SLC35F4: variants seen among roughly 807,000 people sequenced by gnomAD.
SLC35F4 encodes the protein solute carrier family 35 member F4.
A neutral mutation model predicts 44.2 loss-of-function variants in SLC35F4; 24 were observed. That is an observed-to-expected ratio of 0.54 (90% CI 0.39 to 0.76). The LOEUF is 0.76. Ranked by LOEUF, SLC35F4 falls within the 30% of genes least tolerant of loss-of-function variation. The pLI is 0.00. For missense variants in SLC35F4, 562 were observed against 586.1 expected, an observed-to-expected ratio of 0.96 and a Z score of 0.42; for synonymous variants, 238 against 223.6, an observed-to-expected ratio of 1.06 and a Z score of -0.57.
At chr14:57,889,322 C>G (rs528285067) in intron 1 of SLC35F4, among the ~76,000 whole-genome samples, 1 of 152,322 alleles carries the variant, frequency 6.6e-6, no homozygotes, top group East Asian at 1.9e-4. Flanking sequence ...GACGGGGAAG[C>G]ACGAGCCATC....
At chr14:57,686,597 T>A (rs536362676) in intron 1 of SLC35F4, among the ~76,000 whole-genome samples, 1 of 152,172 alleles carries the variant, frequency 6.6e-6, no homozygotes, top group Non-Finnish European at 1.5e-5. Context: ...AGCATGCAGT[T>A]AGAAGATTGT....
At chr14:57,663,221 T>C (rs1234540306) in intron 1 of SLC35F4, among the ~76,000 whole-genome samples, 1 of 152,216 alleles carries the variant, frequency 6.6e-6, no homozygotes, top group Non-Finnish European at 1.5e-5. Flanking sequence ...GTAGAATATA[T>C]CTTGTTAGTA....
chr14:57,658,838 A>T (rs550328131), intron 1 of SLC35F4, among the ~76,000 whole-genome samples: 6 of 152,210 alleles, frequency 3.9e-5, no homozygotes, highest in Non-Finnish European at 8.8e-5. Context: ...TGGAAAATAT[A>T]TATTTCTAGT....
chr14:57,611,614 C>G (rs1242550122), intron 1 of SLC35F4, among the ~76,000 whole-genome samples: 1 of 151,274 alleles, frequency 6.6e-6, no homozygotes, highest in Non-Finnish European at 1.5e-5. Flanking sequence ...AAAAGAGTTA[C>G]CATTTAATCA....
intron 1 of SLC35F4, among the ~76,000 whole-genome samples, chr14:57,861,585 A>G (rs559327877): frequency 6.6e-6 from 1 of 152,274 alleles, no homozygotes; most frequent in Non-Finnish European, 1.5e-5. Context: ...TCTCTCTTAT[A>G]CACATTCTAA....
intron 1 of SLC35F4, among the ~76,000 whole-genome samples, chr14:57,703,022 T>C (rs149988751): frequency 1.8e-4 from 28 of 152,082 alleles, no homozygotes; most frequent in African/African-American, 6.0e-4. Flanking sequence ...TAGATTGATT[T>C]TGCACACATA....
intron 1 of SLC35F4, among the ~76,000 whole-genome samples, chr14:57,952,535 C>A (rs769920694): frequency 3.4e-4 from 51 of 151,886 alleles, no homozygotes; most frequent in Non-Finnish European, 6.6e-4. Context: ...AGCTAAGAAC[C>A]TTGAAAAAAG....
chr14:57,612,778 G>C (rs1291428570), intron 1 of SLC35F4, among the ~76,000 whole-genome samples: 2 of 152,164 alleles, frequency 1.3e-5, no homozygotes, highest in Non-Finnish European at 2.9e-5. Context: ...AAATATTTAA[G>C]TGACTAAATG....
At chr14:57,952,287 C>T (rs542181592) in intron 1 of SLC35F4, among the ~76,000 whole-genome samples, 2 of 152,180 alleles carry the variant, frequency 1.3e-5, no homozygotes, top group Admixed American at 6.5e-5. Context: ...CTGAAGGTCA[C>T]CAGCATCAAA....
intron 1 of SLC35F4, among the ~76,000 whole-genome samples, chr14:57,696,213 A>T (rs2075379477): frequency 6.6e-6 from 1 of 152,248 alleles, no homozygotes; most frequent in Admixed American, 6.5e-5. Flanking sequence ...AGAATTTACA[A>T]GGAACTTAAA....
chr14:57,965,135 T>C (rs949562407), intron 1 of SLC35F4, among the ~76,000 whole-genome samples: 2 of 152,042 alleles, frequency 1.3e-5, no homozygotes, highest in Non-Finnish European at 2.9e-5. Flanking sequence ...TATCTCACAA[T>C]AATTCTGTAG....
chr14:57,854,438 T>C (rs573237653), intron 1 of SLC35F4, among the ~76,000 whole-genome samples: 2 of 152,336 alleles, frequency 1.3e-5, no homozygotes, highest in Admixed American at 6.5e-5. Context: ...TGTGGCTACA[T>C]ACATAGCTAA....
In SLC35F4 at chr14:57,725,537, G is replaced by A. The variant is rs560071011; in HGVS notation, c.104-131413C>T. On this transcript the variant is annotated intron_variant, in intron 1 of 7. Coordinates refer to ENST00000556826, the MANE Select transcript of SLC35F4 (RefSeq NM_001306087.2). ...CATAGACTCATGGAATGCCTTATCT[G>A]CCATTATGGTATTCCACACAGCATT... is the stretch of plus-strand genomic sequence containing the variant. Among the ~76,000 whole-genome samples the A allele has an allele frequency of 5.9e-5, 9 of 152,192 alleles. 1 individual carries two copies. The highest frequency in any genetic ancestry group is 2.1e-4 in the South Asian group (1 of 4,820).
At chr14:57,748,250 T>C (rs149409061) in intron 1 of SLC35F4, among the ~76,000 whole-genome samples, 3 of 152,268 alleles carry the variant, frequency 2.0e-5, no homozygotes, top group African/African-American at 7.2e-5. Context: ...CCCCAAATAC[T>C]GAATTCTGGG....
intron 1 of SLC35F4, among the ~76,000 whole-genome samples, chr14:57,841,679 C>T (rs766408688): frequency 1.4e-4 from 22 of 152,118 alleles, no homozygotes; most frequent in Non-Finnish European, 2.9e-5. Context: ...AAGTGCAAAT[C>T]TACAGGTGAA....
intron 1 of SLC35F4, among the ~76,000 whole-genome samples, chr14:57,761,446 A>G (rs1213182034): frequency 1.3e-5 from 2 of 152,212 alleles, no homozygotes. Flanking sequence ...AAAATACATT[A>G]TAAAAGTCTA....
intron 1 of SLC35F4, among the ~76,000 whole-genome samples, chr14:57,978,454 G>A (rs1435431613): frequency 1.3e-5 from 2 of 152,176 alleles, no homozygotes; most frequent in Admixed American, 6.5e-5. Flanking sequence ...TATTGCTTCA[G>A]ACCAAGTGAC....
At chr14:57,852,480 G>A (rs1886667754) in intron 1 of SLC35F4, among the ~76,000 whole-genome samples, 2 of 152,184 alleles carry the variant, frequency 1.3e-5, no homozygotes. Flanking sequence ...TTAACCAGAG[G>A]AATGGCATGA....
intron 3 of SLC35F4, among the ~76,000 whole-genome samples, chr14:57,583,089 T>C (rs1316722532): frequency 6.6e-6 from 1 of 152,222 alleles, no homozygotes. Flanking sequence ...GAAAGTAAGA[T>C]TTCCCAAAGA....
Sources: allele counts gnomAD v4.1 joint callset (sites outside exome capture counted in the v4.1 genomes callset), GRCh38; gene constraint gnomAD v4.1.1; transcripts MANE v1.5; gene names NCBI Gene and HGNC (gene_info 2026-07-23, HGNC 2026-07-21).